The following CCT3 variants were observed in gnomAD, a reference collection of about 807,000 sequenced individuals.
CCT3 encodes the protein T-complex protein 1 subunit gamma.
In CCT3, 10 loss-of-function variants were observed where a neutral mutation model predicts 65.3. The observed-to-expected ratio is 0.15, with a 90% CI of 0.09 to 0.26. The LOEUF (loss-of-function observed/expected upper bound fraction) is 0.26, where lower values mean the gene tolerates loss of function less well. Among genes scored for constraint, CCT3 ranks in the 10% least tolerant of loss-of-function variants. The pLI is 1.00. For synonymous variants in CCT3, 225 were observed against 242.3 expected (o/e 0.93, Z 0.66); for missense variants, 626 against 708.7 (o/e 0.88, Z 1.33).
chr1:156,320,694 C>CT (rs1341841562), intron 7 of CCT3, 145 bp downstream of exon 7: 8 of 640,964 alleles, frequency 1.2e-5, no homozygotes, highest in Non-Finnish European at 1.9e-5. Context: ...GACTGTGCCA[C>CT]TATACTCCAG....
intron 5 of CCT3, among the ~76,000 whole-genome samples, chr1:156,332,394 C>T (rs1665141045): frequency 6.6e-6 from 1 of 152,056 alleles, no homozygotes; most frequent in Admixed American, 6.6e-5. Flanking sequence ...GGCAATAGGC[C>T]AAGATTTGAA....
At chr1:156,320,803 A>G (rs772791232) in intron 7 of CCT3, 36 bp downstream of exon 7, 5 of 1,384,740 alleles carry the variant, frequency 3.6e-6, no homozygotes, top group Non-Finnish European at 5.1e-6. Flanking sequence ...ATGCTAACAT[A>G]TAATTTGACC....
At chr1:156,325,627 G>A (rs1664769232) in intron 5 of CCT3, among the ~76,000 whole-genome samples, 1 of 151,038 alleles carries the variant, frequency 6.6e-6, no homozygotes, top group African/African-American at 2.4e-5. Flanking sequence ...GCCCAGGCTG[G>A]AGTGCGGTGG....
chr1:156,334,653 G>T, intron 4 of CCT3, 60 bp downstream of exon 4: 1 of 1,501,120 alleles, frequency 6.7e-7, no homozygotes, highest in Non-Finnish European at 9.2e-7. Context: ...ATCTTAACAG[G>T]TCCTTTATGT....
intron 5 of CCT3, among the ~76,000 whole-genome samples, chr1:156,328,381 C>T (rs902593204): frequency 1.3e-5 from 2 of 152,088 alleles, no homozygotes; most frequent in African/African-American, 4.8e-5. Context: ...TGAGAACGGG[C>T]CATGATGACA....
chr1:156,334,721 G>A lies in CCT3; in HGVS notation c.199C>T (p.Leu67Phe). Residue 67 changes from leucine (L) to phenylalanine (F), a missense_variant, in exon 4 of 14, where the codon CTT (leucine) becomes TTT (phenylalanine). Transcript: ENST00000295688. ...IVMTNDGNAI[L>F]REIQVQHPAA... ...CCAAAAACAAAACACACCTCTCGAA[G>A]AATGGCATTGCCATCATTGGTCATC... 1 of 1,613,996 alleles carries A rather than the reference G, an allele frequency of 6.2e-7. No homozygotes were observed. The highest frequency in any genetic ancestry group is 8.5e-7 in the Non-Finnish European group (1 of 1,179,922).
intron 5 of CCT3, among the ~76,000 whole-genome samples, chr1:156,326,360 G>C (rs539574711): frequency 6.6e-6 from 1 of 151,940 alleles, no homozygotes; most frequent in South Asian, 2.1e-4. Flanking sequence ...TAGAAAATGT[G>C]CACAATTAAG....
intron 5 of CCT3, among the ~76,000 whole-genome samples, chr1:156,326,091 G>C (rs1278527445): frequency 6.6e-6 from 1 of 152,094 alleles, no homozygotes; most frequent in Non-Finnish European, 1.5e-5. Context: ...CCAGCACTTT[G>C]GGAGGCTAGG....
intron 8 of CCT3, among the ~76,000 whole-genome samples, chr1:156,318,575 T>C (rs1285378940): frequency 6.6e-6 from 1 of 152,104 alleles, no homozygotes; most frequent in Non-Finnish European, 1.5e-5. Flanking sequence ...GTTCCCCTGG[T>C]GCATTAGGAA....
chr1:156,311,256 C>G, intron 11 of CCT3, 61 bp from the exon 12 acceptor site: 1 of 1,545,428 alleles, frequency 6.5e-7, no homozygotes, highest in Non-Finnish European at 8.8e-7. Context: ...ATCGGAGGCA[C>G]CAAAAGGACT....
At position 156,310,982 on chromosome 1, in the gene CCT3, C is replaced by A. The variant is rs772967401; in HGVS notation, c.1369G>T (p.Ala457Ser). The A allele has an allele frequency of 4.3e-6, 7 of 1,614,162 alleles. No individual in the cohort carries two copies. The South Asian group carries it at 6.6e-5, about 15-fold the overall frequency. ...GAGGTAAGTAGACGGATGGTGCTGG[C>A]CCCACAGTTCTGGATCAGGGTACGA... ...IPRTLIQNCGASTIRLLTSLR... is the reference protein window; with the variant it reads ...IPRTLIQNCGSSTIRLLTSLR... The change falls in exon 12 of 14, where the codon GCC becomes TCC. Residue 457 changes from alanine (A) to serine (S), a missense_variant. Transcript: ENST00000295688.
Position 156,312,176 on chromosome 1 carries a change from T to A in CCT3, c.1020A>T (p.Glu340Asp). Residue 340 changes from glutamate to aspartate, a missense_variant, in exon 11 of 14, where the codon GAA becomes GAT. By Grantham distance (45) the Glu-to-Asp change is conservative. Coordinates refer to ENST00000295688, the MANE Select transcript of CCT3 (RefSeq NM_005998.5). ...RIVSRPEELR[E>D]DDVGTGAGLL... ...GGCCTGCTCCTGTTCCAACATCATC[T>A]TCTCTCAGTTCCTCTGGTCGGCTGA... 1 of 1,614,182 alleles carries A rather than the reference T, an allele frequency of 6.2e-7. No homozygotes were observed. Among genetic ancestry groups the A allele is most frequent in the Non-Finnish European group, 8.5e-7 (1 of 1,180,010 alleles).
intron 4 of CCT3, 66 bp from the exon 5 acceptor site, chr1:156,333,709 C>CAAGAGT: frequency 8.1e-7 from 1 of 1,230,162 alleles, no homozygotes; most frequent in Non-Finnish European, 1.2e-6. Flanking sequence ...AAGCTTGGCC[C>CAAGAGT]TAACTCTTGG....
At chr1:156,332,695 C>G (rs1000732826) in intron 5 of CCT3, 1 of 152,168 alleles carries the variant, frequency 6.6e-6, no homozygotes. Flanking sequence ...TTGATGATTT[C>G]GGTATTTATA....
intron 4 of CCT3, among the ~76,000 whole-genome samples, chr1:156,333,946 C>T (rs926386287): frequency 6.6e-6 from 1 of 152,140 alleles, no homozygotes; most frequent in South Asian, 2.1e-4. Context: ...CAGTAAGATA[C>T]GTTGAAGCCA....
intron 1 of CCT3, chr1:156,337,926 C>G: frequency 1.8e-6 from 1 of 567,978 alleles, no homozygotes; most frequent in Non-Finnish European, 3.1e-6. Context: ...AAGACGAGCA[C>G]ACGTCAAGGA....
chr1:156,334,296 T>C (rs560658822), intron 4 of CCT3, among the ~76,000 whole-genome samples: 1 of 152,162 alleles, frequency 6.6e-6, no homozygotes, highest in South Asian at 2.1e-4. Flanking sequence ...CTGTGAATTT[T>C]ACTTTATTTT....
At chr1:156,316,679 C>T (rs994870451) in intron 10 of CCT3, among the ~76,000 whole-genome samples, 1 of 152,168 alleles carries the variant, frequency 6.6e-6, no homozygotes, top group African/African-American at 2.4e-5. Flanking sequence ...CTAGGTAACA[C>T]AGCAAGACCT....
Position 156,335,810 on chromosome 1 carries a change from C to T in CCT3, c.93+17G>A, listed in dbSNP as rs962302896. Reference sequence around the variant, plus strand: ...AGCTGGAGGCAAACTACCATAAACACTTAAAAGATTTGTGACCTTGGCAGC... The same window carrying T: ...AGCTGGAGGCAAACTACCATAAACATTTAAAAGATTTGTGACCTTGGCAGC... On this transcript the variant is annotated intron_variant, in intron 2 of 13. Coordinates refer to ENST00000295688, the MANE Select transcript of CCT3 (RefSeq NM_005998.5). The T allele has an allele frequency of 3.7e-6, 6 of 1,610,498 alleles. No homozygotes were observed. The highest frequency in any genetic ancestry group is 5.1e-6 in the Non-Finnish European group (6 of 1,176,848).
Sources: allele counts gnomAD v4.1 joint callset (sites outside exome capture counted in the v4.1 genomes callset), GRCh38; gene constraint gnomAD v4.1.1; transcripts MANE v1.5; gene names NCBI Gene and HGNC (gene_info 2026-07-23, HGNC 2026-07-21).